The following SGCD variants were observed in gnomAD, a reference collection of about 807,000 sequenced individuals.
The protein encoded by SGCD is sarcoglycan delta, also known as delta-sarcoglycan.
In SGCD, 18 loss-of-function variants were observed where a neutral mutation model predicts 36.6. The observed-to-expected ratio is 0.49, with a 90% CI of 0.34 to 0.73. SGCD has a LOEUF of 0.73. Ranked by LOEUF, SGCD falls within the 30% of genes least tolerant of loss-of-function variation. The pLI is 0.01. For missense variants in SGCD, 387 were observed against 346.7 expected (o/e 1.12, Z -0.92); for synonymous variants, 133 against 130.6 (o/e 1.02, Z -0.12).
At chr5:156,676,272 C>T (rs1753504405) in intron 7 of SGCD, among the ~76,000 whole-genome samples, 1 of 152,084 alleles carries the variant, frequency 6.6e-6, no homozygotes, top group Admixed American at 6.5e-5. Context: ...AGGTTGTTGC[C>T]ACAGAACTCC....
At chr5:156,048,468 A>G (rs1395609330) in intron 1 of SGCD, among the ~76,000 whole-genome samples, 1 of 152,162 alleles carries the variant, frequency 6.6e-6, no homozygotes, top group Non-Finnish European at 1.5e-5. Flanking sequence ...ATTTCTCCAC[A>G]TCCTCTCCAG....
chr5:156,703,391 T>A (rs1490147688), intron 7 of SGCD, among the ~76,000 whole-genome samples: 1 of 151,800 alleles, frequency 6.6e-6, no homozygotes, highest in Non-Finnish European at 1.5e-5. Flanking sequence ...TCTTTTTTTT[T>A]TTTTCTTTTT....
intron 3 of SGCD, among the ~76,000 whole-genome samples, chr5:156,231,778 G>A (rs188056324): frequency 2.0e-5 from 3 of 152,280 alleles, no homozygotes; most frequent in Non-Finnish European, 1.5e-5. Context: ...TTTCTTTGGT[G>A]GGAGTAGGAC....
chr5:156,297,149 C>G (rs998871868), intron 3 of SGCD, among the ~76,000 whole-genome samples: 1 of 151,914 alleles, frequency 6.6e-6, no homozygotes, highest in African/African-American at 2.4e-5. Context: ...ATTCATGTTA[C>G]AAGCATTCCA....
intron 6 of SGCD, among the ~76,000 whole-genome samples, chr5:156,645,290 C>A (rs561951698): frequency 3.9e-5 from 6 of 151,998 alleles, no homozygotes; most frequent in Non-Finnish European, 7.4e-5. Flanking sequence ...GAGAATAATT[C>A]ATTATCTGAG....
chr5:156,002,574 C>A (rs565291889), intron 1 of SGCD, among the ~76,000 whole-genome samples: 77 of 152,340 alleles, frequency 5.1e-4, no homozygotes, highest in African/African-American at 1.7e-3. Context: ...TGGCTTTTCT[C>A]ATCTGTCAGA....
chr5:155,744,445 G>A, the SGCD span, among the ~76,000 whole-genome samples: 1 of 151,998 alleles, frequency 6.6e-6, no homozygotes, highest in Non-Finnish European at 1.5e-5. Flanking sequence ...GGGCGACAGA[G>A]CAAGACTCCA....
At chr5:155,786,007 T>C in the SGCD span, among the ~76,000 whole-genome samples, 1 of 152,324 alleles carries the variant, frequency 6.6e-6, no homozygotes, top group East Asian at 1.9e-4. Flanking sequence ...GTGAAAGCAA[T>C]ACTTGTCATT....
At chr5:155,993,622 G>A (rs1483577271) in intron 1 of SGCD, among the ~76,000 whole-genome samples, 1 of 152,168 alleles carries the variant, frequency 6.6e-6, no homozygotes, top group Non-Finnish European at 1.5e-5. Context: ...TGGGATTACT[G>A]GCATGAGCCA....
intron 6 of SGCD, among the ~76,000 whole-genome samples, chr5:156,612,583 G>T (rs1360939201): frequency 1.3e-5 from 2 of 152,236 alleles, no homozygotes. Flanking sequence ...CACTATGCAG[G>T]TCTGCCTGTA....
chr5:155,953,209 G>A (rs892445206), intron 1 of SGCD, among the ~76,000 whole-genome samples: 21 of 151,798 alleles, frequency 1.4e-4, no homozygotes, highest in African/African-American at 5.1e-4. Context: ...GCCTTTTTAG[G>A]GATCCTTATT....
intron 1 of SGCD, among the ~76,000 whole-genome samples, chr5:155,873,410 A>T (rs1315481733): frequency 6.6e-6 from 1 of 152,198 alleles, no homozygotes; most frequent in African/African-American, 2.4e-5. Context: ...TCTTAAGTGA[A>T]GTAACTCAGA....
At chr5:156,408,466 C>A (rs113841326) in intron 3 of SGCD, among the ~76,000 whole-genome samples, 24,056 of 151,340 alleles carry the variant, frequency 0.16, 2,204 homozygotes, top group African/African-American at 0.23. Flanking sequence ...TCAAGCGATT[C>A]TCCTGCCTCA....
chr5:155,893,090 G>A (rs183626), intron 1 of SGCD, among the ~76,000 whole-genome samples: 135,191 of 152,156 alleles, frequency 0.89, 60,120 homozygotes, highest in Admixed American at 0.92. Context: ...AATGTTTTGT[G>A]GATTTCTGAA....
intron 4 of SGCD, among the ~76,000 whole-genome samples, chr5:156,522,142 A>G (rs541950177): frequency 5.9e-5 from 9 of 152,234 alleles, no homozygotes; most frequent in Admixed American, 2.0e-4. Context: ...GAATTGAACA[A>G]TGAGAACACC....
At chr5:156,504,744 A>T (rs1370669559) in intron 3 of SGCD, among the ~76,000 whole-genome samples, 1 of 152,204 alleles carries the variant, frequency 6.6e-6, no homozygotes, top group Non-Finnish European at 1.5e-5. Context: ...GAAGGAACTG[A>T]GGTAAATCGT....
At chr5:155,943,901 G>A (rs1319086254) in intron 1 of SGCD, among the ~76,000 whole-genome samples, 1 of 152,156 alleles carries the variant, frequency 6.6e-6, no homozygotes, top group African/African-American at 2.4e-5. Context: ...CTGTAAAGCA[G>A]CCCCTTTATT....
At chr5:156,519,379 T>A (rs773190495) in intron 4 of SGCD, among the ~76,000 whole-genome samples, 1 of 150,788 alleles carries the variant, frequency 6.6e-6, no homozygotes, top group Non-Finnish European at 1.5e-5. Flanking sequence ...CAAACAAAAA[T>A]AACAACAACA....
chr5:156,036,060 T>C (rs1759489372), intron 1 of SGCD, among the ~76,000 whole-genome samples: 1 of 152,202 alleles, frequency 6.6e-6, no homozygotes, highest in African/African-American at 2.4e-5. Flanking sequence ...GTGATGAGGT[T>C]TCATGATCTC....
Sources: allele counts gnomAD v4.1 joint callset (sites outside exome capture counted in the v4.1 genomes callset), GRCh38; gene constraint gnomAD v4.1.1; transcripts MANE v1.5; gene names NCBI Gene and HGNC (gene_info 2026-07-23, HGNC 2026-07-21).